The following DYM variants were observed in gnomAD, a reference collection of about 807,000 sequenced individuals.
DYM encodes dymeclin.
Under a neutral mutation model 93.1 loss-of-function variants are expected in DYM, and 78 were observed. The ratio of observed to expected loss-of-function variants is 0.84; its 90% CI spans 0.70 to 1.01. DYM has a LOEUF of 1.01. Ranked by LOEUF, DYM falls within the 50% of genes least tolerant of loss-of-function variation. The pLI, the probability that DYM is intolerant of heterozygous loss-of-function variation, is 0.00. For synonymous variants in DYM, 321 were observed against 319.7 expected (o/e 1.00, Z -0.04); for missense variants, 789 against 845.0 (o/e 0.93, Z 0.82).
chr18:49,097,227 A>G (rs1046905117), intron 17 of DYM, 175 bp downstream of exon 17: 3 of 652,202 alleles, frequency 4.6e-6, no homozygotes, highest in Non-Finnish European at 8.2e-6. Context: ...CAGTGGCATG[A>G]AAGTATTAAT....
At chr18:49,260,453 C>T (rs1232547936) in intron 11 of DYM, among the ~76,000 whole-genome samples, 3 of 151,976 alleles carry the variant, frequency 2.0e-5, no homozygotes, top group African/African-American at 7.3e-5. Flanking sequence ...AAAGTGCAGA[C>T]GTCATAGCCA....
At chr18:49,145,134 T>TATATATATATATATATATAA (rs1555778609) in intron 15 of DYM, among the ~76,000 whole-genome samples, 7,440 of 78,664 alleles carry the variant, frequency 0.095, 1,394 homozygotes, top group Non-Finnish European at 0.14. Flanking sequence ...TATATATATA[T>TATATATATATATATATATAA]AATTTATATA....
intron 9 of DYM, among the ~76,000 whole-genome samples, chr18:49,284,499 C>G (rs2095073168): frequency 6.6e-6 from 1 of 152,104 alleles, no homozygotes; most frequent in African/African-American, 2.4e-5. Flanking sequence ...TAGTAGATAC[C>G]ATATACTGAA....
intron 13 of DYM, among the ~76,000 whole-genome samples, chr18:49,223,407 A>G (rs2093429435): frequency 6.6e-6 from 1 of 152,114 alleles, no homozygotes; most frequent in Non-Finnish European, 1.5e-5. Context: ...TTCTAACAAA[A>G]CTTCATTTAC....
At position 49,105,878 on chromosome 18, in the gene DYM, T is replaced by G. The variant is rs573117828; in HGVS notation, c.1912-8363A>C. On this transcript the variant is annotated intron_variant, in intron 16 of 17. Coordinates refer to ENST00000675505, the MANE Select transcript of DYM (RefSeq NM_001353214.3). ...GTGGTGTGGTGCTGAGAAGAATGTA[T>G]ATTCTGCTGATTTGGGGTGGAGAGT... Among the ~76,000 whole-genome samples the G allele has an allele frequency of 8.2e-4, 125 of 152,340 alleles. 2 individuals carry two copies. The highest frequency in any genetic ancestry group is 2.8e-3 in the African/African-American group (116 of 41,580).
intron 5 of DYM, among the ~76,000 whole-genome samples, chr18:49,376,120 A>C (rs1468209950): frequency 6.6e-6 from 1 of 152,052 alleles, no homozygotes; most frequent in African/African-American, 2.4e-5. Context: ...TGATCATGTG[A>C]GTCACTACTC....
At chr18:49,324,577 T>TTG (rs1568250653) in intron 8 of DYM, among the ~76,000 whole-genome samples, 1 of 152,212 alleles carries the variant, frequency 6.6e-6, no homozygotes, top group Non-Finnish European at 1.5e-5. Flanking sequence ...GGAGAAAACA[T>TTG]GGCTGGCATA....
chr18:49,363,283 T>C, intron 5 of DYM, 50 bp from the exon 6 acceptor site: 1 of 1,307,190 alleles, frequency 7.6e-7, no homozygotes, highest in Non-Finnish European at 1.1e-6. Context: ...CACAGTAGAA[T>C]ACAGTTGTTC....
intron 8 of DYM, among the ~76,000 whole-genome samples, chr18:49,297,805 G>A (rs1178428985): frequency 1.3e-5 from 2 of 151,600 alleles, no homozygotes; most frequent in Non-Finnish European, 2.9e-5. Context: ...AACAAACAGT[G>A]TTGGTGTAAT....
intron 17 of DYM, among the ~76,000 whole-genome samples, chr18:49,090,284 G>A (rs2078926667): frequency 6.6e-6 from 1 of 152,158 alleles, no homozygotes; most frequent in Non-Finnish European, 1.5e-5. Flanking sequence ...CGGTGAAATG[G>A]CAGAAATGTC....
chr18:49,273,499 C>A (rs1205665672), intron 10 of DYM, among the ~76,000 whole-genome samples: 1 of 152,014 alleles, frequency 6.6e-6, no homozygotes, highest in Non-Finnish European at 1.5e-5. Flanking sequence ...AACAACAGAC[C>A]ACATATATAA....
At chr18:49,425,635 A>C (rs1490182584) in intron 2 of DYM, among the ~76,000 whole-genome samples, 3 of 152,188 alleles carry the variant, frequency 2.0e-5, no homozygotes, top group East Asian at 1.9e-4. Context: ...AAATTTTTGC[A>C]ATCTACCCAT....
intron 14 of DYM, among the ~76,000 whole-genome samples, chr18:49,192,907 C>T (rs11661731): frequency 0.17 from 25,498 of 151,788 alleles, 2,382 homozygotes; most frequent in East Asian, 0.24. Flanking sequence ...AAGGGGGTAG[C>T]GGGGAAAAGG....
chr18:49,136,232 T>G lies in DYM; in HGVS notation c.1729-17306A>C, dbSNP rs796720930. ...CAGTTTGAAAGTCCTTAGAGTGTAATGAAGAATCCTTACTACAGCAAGTGT... is the reference window on the plus strand; with the variant it reads ...CAGTTTGAAAGTCCTTAGAGTGTAAGGAAGAATCCTTACTACAGCAAGTGT... On this transcript the variant is annotated intron_variant, in intron 15 of 17. Coordinates refer to ENST00000675505, the MANE Select transcript of DYM (RefSeq NM_001353214.3). Among the ~76,000 whole-genome samples the G allele has an allele frequency of 3.3e-5, 5 of 152,348 alleles. 1 individual carries two copies. Among genetic ancestry groups the G allele is most frequent in the African/African-American group, 1.2e-4 (5 of 41,584 alleles).
At chr18:49,206,228 G>C in intron 14 of DYM, among the ~76,000 whole-genome samples, 1 of 152,102 alleles carries the variant, frequency 6.6e-6, no homozygotes, top group South Asian at 2.1e-4. Context: ...TCGATCTCCT[G>C]ACCTTATGAT....
intron 1 of DYM, among the ~76,000 whole-genome samples, chr18:49,444,759 G>A (rs542079844): frequency 7.2e-5 from 11 of 152,210 alleles, no homozygotes; most frequent in African/African-American, 2.4e-4. Flanking sequence ...TTTGCTAAAC[G>A]TTAAGTATCA....
intron 15 of DYM, among the ~76,000 whole-genome samples, chr18:49,155,651 T>C (rs965864864): frequency 6.6e-6 from 1 of 152,250 alleles, no homozygotes; most frequent in African/African-American, 2.4e-5. Context: ...GCCTTGTTAC[T>C]GGCTCCTTTC....
At position 49,120,096 on chromosome 18, in the gene DYM, GA is replaced by G. The variant is rs1196709325; in HGVS notation, c.1729-1171del. Among the ~76,000 whole-genome samples the G allele has an allele frequency of 5.7e-5, 7 of 121,798 alleles. No homozygotes were observed. In the East Asian group the frequency reaches 1.2e-3, roughly 20 times the overall value. 79.9% of individuals were successfully genotyped at this position (121,798 alleles called of 152,430 possible). A position where few individuals can be genotyped will look rare whatever the true frequency, so the allele number is the denominator to read the frequency against. ...CCTGTCTCAAAAAAAAAAAAAAAAA[GA>G]AAAAAAAGAAAAGAAAAAGAAAAAA... On this transcript the variant is annotated intron_variant, in intron 15 of 17. Transcript: ENST00000675505.
At chr18:49,072,370 G>C (rs565803968) in intron 17 of DYM, among the ~76,000 whole-genome samples, 2 of 152,160 alleles carry the variant, frequency 1.3e-5, no homozygotes, top group South Asian at 2.1e-4. Flanking sequence ...TTTGAAAGAC[G>C]AAAATGCCAA....
Sources: gnomAD v4.1 joint callset for allele counts (sites outside exome capture counted in the v4.1 genomes callset) on GRCh38, gnomAD v4.1.1 for gene constraint, MANE v1.5 for transcripts, NCBI Gene and HGNC (gene_info 2026-07-23, HGNC 2026-07-21) for gene names.